The following SYTL5 variants were observed in gnomAD, a reference collection of about 807,000 sequenced individuals.
SYTL5 encodes synaptotagmin like 5, also known as synaptotagmin-like protein 5.
SYTL5 carries 34 observed loss-of-function variants against 55.9 expected under a neutral mutation model. The observed-to-expected ratio is 0.61, with a 90% CI of 0.46 to 0.81. The LOEUF is 0.81. SYTL5 is among the 30% of genes least tolerant of loss of function. The probability of loss-of-function intolerance (pLI) is 0.00; values close to 1 mark genes in which losing one functional copy is unlikely to be tolerated. For synonymous variants in SYTL5, 221 were observed against 188.7 expected (o/e 1.17, Z -1.40); for missense variants, 637 against 546.7 (o/e 1.17, Z -1.65).
At chrX:38,025,577 G>C (rs1934739459) in intron 1 of SYTL5, among the ~76,000 whole-genome samples, 1 of 111,966 alleles carries the variant, frequency 8.9e-6, no homozygotes, top group African/African-American at 3.2e-5. Context: ...GTTCAACAAA[G>C]TTACTGGCCA....
Position 38,066,914 on chromosome X carries a change from T to C in SYTL5, c.330-5133T>C, listed in dbSNP as rs6611054. 0.038 allele frequency among the ~76,000 whole-genome samples: 4,298 copies of C among 111,695 alleles called. 493 individuals carry two copies. In the East Asian group the frequency reaches 0.58, roughly 15 times the overall value. ...TTCCTTGTCTGTAAATTGGTAATGGTAATAGATACTTCATTGCTTATAGTG... is the reference window on the plus strand; with the variant it reads ...TTCCTTGTCTGTAAATTGGTAATGGCAATAGATACTTCATTGCTTATAGTG... On this transcript the variant is annotated intron_variant, in intron 3 of 16. Transcript: ENST00000297875.
chrX:38,072,832 A>G (rs1177031816), intron 4 of SYTL5, among the ~76,000 whole-genome samples: 2 of 112,488 alleles, frequency 1.8e-5, no homozygotes, highest in East Asian at 2.8e-4. Flanking sequence ...TTAAAGATGG[A>G]GTAAACCTTG....
the SYTL5 span, among the ~76,000 whole-genome samples, chrX:37,992,125 G>A: frequency 8.9e-6 from 1 of 112,349 alleles, no homozygotes; most frequent in African/African-American, 3.2e-5. Flanking sequence ...ATATTGCATA[G>A]AGCACCAAAG....
the SYTL5 span, among the ~76,000 whole-genome samples, chrX:37,953,467 G>C: frequency 5.4e-5 from 6 of 111,476 alleles, no homozygotes; most frequent in African/African-American, 2.0e-4. Flanking sequence ...AGCTGGCTTT[G>C]AGTATGACTA....
chrX:37,936,243 G>A, the SYTL5 span, among the ~76,000 whole-genome samples: 1 of 112,134 alleles, frequency 8.9e-6, no homozygotes, highest in Non-Finnish European at 1.9e-5. Flanking sequence ...ACAGAAAAAC[G>A]TATGTGATGG....
chrX:37,894,263 T>C, the SYTL5 span, among the ~76,000 whole-genome samples: 3 of 111,816 alleles, frequency 2.7e-5, no homozygotes, highest in Non-Finnish European at 5.6e-5. Flanking sequence ...ATCCTTATTG[T>C]TTAAAGCTTT....
chrX:37,980,382 C>T, the SYTL5 span, among the ~76,000 whole-genome samples: 7 of 111,583 alleles, frequency 6.3e-5, no homozygotes, highest in Admixed American at 9.5e-5. Flanking sequence ...AATAATGCTG[C>T]GTAATAAACT....
chrX:38,092,482 G>A (rs767019039), intron 7 of SYTL5, among the ~76,000 whole-genome samples: 17 of 111,554 alleles, frequency 1.5e-4, no homozygotes, highest in Non-Finnish European at 3.2e-4. Flanking sequence ...TGAAGAACCC[G>A]GAGTCTGATG....
chrX:37,913,825 T>C, the SYTL5 span, among the ~76,000 whole-genome samples: 1 of 112,023 alleles, frequency 8.9e-6, no homozygotes, highest in Admixed American at 9.5e-5. Flanking sequence ...AAAAATACAC[T>C]CCCGTATTGG....
chrX:37,986,119 G>GA, the SYTL5 span, among the ~76,000 whole-genome samples: 133 of 111,301 alleles, frequency 1.2e-3, 1 homozygote, highest in African/African-American at 4.2e-3. Flanking sequence ...TCTTATATGT[G>GA]AAAAAACACA....
At chrX:37,984,452 T>C in the SYTL5 span, among the ~76,000 whole-genome samples, 1 of 112,014 alleles carries the variant, frequency 8.9e-6, no homozygotes, top group East Asian at 2.8e-4. Flanking sequence ...ATAATCTGAA[T>C]AGACTTCTTC....
intron 2 of SYTL5, among the ~76,000 whole-genome samples, chrX:38,053,022 G>A (rs1006517): frequency 0.35 from 39,218 of 111,532 alleles, 7,204 homozygotes; most frequent in African/African-American, 0.72. Context: ...GTGGAAGTGA[G>A]ATTTGCGAAT....
chrX:38,063,636 T>C (rs1261613399), intron 3 of SYTL5, among the ~76,000 whole-genome samples: 1 of 111,955 alleles, frequency 8.9e-6, no homozygotes, highest in Non-Finnish European at 1.9e-5. Flanking sequence ...TTTCTAGTTT[T>C]GTATTTTTGA....
At chrX:37,947,890 A>G in the SYTL5 span, among the ~76,000 whole-genome samples, 1 of 111,644 alleles carries the variant, frequency 9.0e-6, no homozygotes, top group Non-Finnish European at 1.9e-5. Context: ...ATTTGTTAAC[A>G]TCTTAATTTG....
At chrX:37,986,060 G>GA in the SYTL5 span, among the ~76,000 whole-genome samples, 1 of 111,449 alleles carries the variant, frequency 9.0e-6, no homozygotes, top group Non-Finnish European at 1.9e-5. Context: ...AAAACTTTTG[G>GA]AAAAAACATA....
chrX:38,089,866 C>G lies in SYTL5; in HGVS notation c.831+279C>G, dbSNP rs150259395. Among the ~76,000 whole-genome samples the G allele has an allele frequency of 0.077, 8,629 of 111,413 alleles. 389 individuals are homozygous for G. Among genetic ancestry groups the G allele is most frequent in the Non-Finnish European group, 0.12 (6,386 of 52,925 alleles). ...CCGCCACCAGGTCCCTCCCTCAACA[C>G]GTGGAGATTGTGGGGATTACAGTTT... On this transcript the variant is annotated intron_variant, in intron 7 of 16. Transcript: ENST00000297875.
chrX:38,107,016 C>T (rs918875226), intron 11 of SYTL5, among the ~76,000 whole-genome samples: 1 of 112,532 alleles, frequency 8.9e-6, no homozygotes, highest in Non-Finnish European at 1.9e-5. Context: ...TACACAGAGG[C>T]AGCTCTTTGA....
At chrX:37,944,881 T>C in the SYTL5 span, among the ~76,000 whole-genome samples, 3 of 112,607 alleles carry the variant, frequency 2.7e-5, no homozygotes, top group African/African-American at 9.7e-5. Flanking sequence ...TAAATACTTA[T>C]CTGCCTCCAA....
intron 2 of SYTL5, among the ~76,000 whole-genome samples, chrX:38,049,557 AAAGAG>A (rs1383762300): frequency 3.6e-5 from 4 of 111,094 alleles, no homozygotes; most frequent in African/African-American, 1.3e-4. Context: ...GCTTCAGGAA[AAAGAG>A]AAGAGGTCAA....
Sources: allele counts gnomAD v4.1 joint callset (sites outside exome capture counted in the v4.1 genomes callset), GRCh38; gene constraint gnomAD v4.1.1; transcripts MANE v1.5; gene names NCBI Gene and HGNC (gene_info 2026-07-23, HGNC 2026-07-21).